THEMIS: variants seen among roughly 807,000 people sequenced by gnomAD.
THEMIS encodes the protein thymocyte selection associated.
Under a neutral mutation model 52.6 loss-of-function variants are expected in THEMIS, and 37 were observed. That is an observed-to-expected ratio of 0.70 (90% CI 0.54 to 0.93). The LOEUF is 0.93. Among genes scored for constraint, THEMIS ranks in the 40% least tolerant of loss-of-function variants. THEMIS has a pLI of 0.00. For synonymous variants in THEMIS, 292 were observed against 272.7 expected (o/e 1.07, Z -0.70); for missense variants, 808 against 763.1 (o/e 1.06, Z -0.69).
intron 2 of THEMIS, among the ~76,000 whole-genome samples, chr6:127,853,956 C>G (rs1779516099): frequency 6.6e-6 from 1 of 151,586 alleles, no homozygotes; most frequent in Non-Finnish European, 1.5e-5. Flanking sequence ...CCTTTTCAAG[C>G]CCCACAAAGA....
chr6:127,751,280 A>T (rs1181866122), intron 4 of THEMIS, among the ~76,000 whole-genome samples: 2 of 151,808 alleles, frequency 1.3e-5, no homozygotes, highest in East Asian at 3.8e-4. Context: ...CGTTGTTATC[A>T]GCTTAAAATA....
At chr6:127,729,258 T>A (rs528991936) in intron 4 of THEMIS, among the ~76,000 whole-genome samples, 37 of 149,776 alleles carry the variant, frequency 2.5e-4, no homozygotes, top group African/African-American at 8.8e-4. Flanking sequence ...AAAAAAAACT[T>A]GAAATTTTCT....
intron 4 of THEMIS, among the ~76,000 whole-genome samples, chr6:127,755,765 G>T (rs1775801204): frequency 6.6e-6 from 1 of 152,062 alleles, no homozygotes; most frequent in Non-Finnish European, 1.5e-5. Flanking sequence ...GAACGCAGTG[G>T]CTCACACTTG....
chr6:127,784,223 C>G (rs1033987234), intron 4 of THEMIS, among the ~76,000 whole-genome samples: 2 of 152,032 alleles, frequency 1.3e-5, no homozygotes, highest in Non-Finnish European at 2.9e-5. Flanking sequence ...ACATCACACA[C>G]CAGGGCCTGT....
chr6:127,908,151 G>A (rs1781324061), intron 1 of THEMIS, among the ~76,000 whole-genome samples: 1 of 152,048 alleles, frequency 6.6e-6, no homozygotes, highest in African/African-American at 2.4e-5. Flanking sequence ...TTCTTCCCAT[G>A]TAAGTTTCTT....
At chr6:127,746,392 C>A (rs1775390123) in intron 4 of THEMIS, among the ~76,000 whole-genome samples, 1 of 151,572 alleles carries the variant, frequency 6.6e-6, no homozygotes, top group Non-Finnish European at 1.5e-5. Context: ...ACAGACACTG[C>A]TCTTTACTAT....
At chr6:127,802,025 G>A (rs867027954) in intron 4 of THEMIS, among the ~76,000 whole-genome samples, 3 of 152,180 alleles carry the variant, frequency 2.0e-5, no homozygotes, top group Non-Finnish European at 2.9e-5. Flanking sequence ...TAGGAACTCT[G>A]CATTTAATGT....
intron 4 of THEMIS, among the ~76,000 whole-genome samples, chr6:127,772,357 T>C (rs270015): frequency 0.27 from 40,811 of 151,972 alleles, 6,940 homozygotes; most frequent in Non-Finnish European, 0.39. Context: ...TGAATATTCT[T>C]GAATTTTAGT....
At chr6:127,861,783 C>CAAAAAAA (rs1225783673) in intron 1 of THEMIS, among the ~76,000 whole-genome samples, 21 of 95,686 alleles carry the variant, frequency 2.2e-4, no homozygotes, top group South Asian at 3.1e-4. Flanking sequence ...GACTCCATCT[C>CAAAAAAA]AAAAAAAAAA....
intron 4 of THEMIS, among the ~76,000 whole-genome samples, chr6:127,760,255 A>G (rs1454556710): frequency 6.6e-6 from 1 of 152,060 alleles, no homozygotes. Context: ...GTCTGCCTTT[A>G]TAACAGAACC....
At chr6:127,861,591 C>T (rs557025028) in intron 1 of THEMIS, among the ~76,000 whole-genome samples, 78 of 151,818 alleles carry the variant, frequency 5.1e-4, no homozygotes, top group African/African-American at 1.8e-3. Context: ...CAAGACCAGC[C>T]TGGCCAACAT....
intron 4 of THEMIS, among the ~76,000 whole-genome samples, chr6:127,789,236 A>G (rs374583005): frequency 6.6e-6 from 1 of 152,232 alleles, no homozygotes; most frequent in Non-Finnish European, 1.5e-5. Flanking sequence ...ATCAGAGAAT[A>G]CTATAAACAC....
At chr6:127,818,909 G>T (rs1004172315) in intron 3 of THEMIS, among the ~76,000 whole-genome samples, 6 of 151,918 alleles carry the variant, frequency 3.9e-5, no homozygotes, top group Non-Finnish European at 8.8e-5. Flanking sequence ...CACAAGGTCA[G>T]GAGATCGAGA....
At chr6:127,722,806 T>C (rs1159697343) in intron 4 of THEMIS, among the ~76,000 whole-genome samples, 3 of 152,020 alleles carry the variant, frequency 2.0e-5, no homozygotes, top group Non-Finnish European at 4.4e-5. Context: ...CTAATATCCA[T>C]GCATTTTTCA....
chr6:127,732,209 G>A (rs143314591), intron 4 of THEMIS, among the ~76,000 whole-genome samples: 1,879 of 151,796 alleles, frequency 0.012, 45 homozygotes, highest in African/African-American at 0.043. Context: ...ATAACATGGC[G>A]AAGTTTTTTG....
At chr6:127,896,348 A>C (rs1421616600) in intron 1 of THEMIS, among the ~76,000 whole-genome samples, 1 of 151,544 alleles carries the variant, frequency 6.6e-6, no homozygotes, top group East Asian at 1.9e-4. Context: ...CTTAAAATTC[A>C]ATAAGTACAA....
chr6:127,898,318 T>C (rs1207497794), intron 1 of THEMIS, among the ~76,000 whole-genome samples: 3 of 151,782 alleles, frequency 2.0e-5, no homozygotes, highest in Non-Finnish European at 3.0e-5. Flanking sequence ...CTACATTCTT[T>C]CTTAAAACAA....
chr6:127,847,265 T>C (rs998321773), intron 2 of THEMIS, among the ~76,000 whole-genome samples: 4 of 151,904 alleles, frequency 2.6e-5, no homozygotes, highest in African/African-American at 9.7e-5. Context: ...TTTAACATAG[T>C]ACTGGAAGTC....
At chr6:127,711,648 T>A (rs1773987344) in intron 5 of THEMIS, among the ~76,000 whole-genome samples, 1 of 152,026 alleles carries the variant, frequency 6.6e-6, no homozygotes, top group Non-Finnish European at 1.5e-5. Context: ...AACCATATAC[T>A]GTAGAATATA....
Sources: allele counts gnomAD v4.1 joint callset (sites outside exome capture counted in the v4.1 genomes callset), GRCh38; gene constraint gnomAD v4.1.1; transcripts MANE v1.5; gene names NCBI Gene and HGNC (gene_info 2026-07-23, HGNC 2026-07-21).